The following YAF2 variants were observed in gnomAD, a reference collection of about 807,000 sequenced individuals.
YAF2 encodes the protein YY1 associated factor 2, also known as YY1-associated factor 2.
Under a neutral mutation model 20.1 loss-of-function variants are expected in YAF2, and 7 were observed. The observed-to-expected ratio is 0.35, with a 90% CI of 0.20 to 0.65. The LOEUF (loss-of-function observed/expected upper bound fraction) is 0.65. Ranked by LOEUF, YAF2 falls within the 30% of genes least tolerant of loss-of-function variation. The probability of loss-of-function intolerance (pLI) is 0.69; values close to 1 mark genes in which losing one functional copy is unlikely to be tolerated. For synonymous variants in YAF2, 74 were observed against 76.0 expected (o/e 0.97, Z 0.14); for missense variants, 151 against 219.2 (o/e 0.69, Z 1.96).
chr12:42,178,018 C>A (rs1479866847), intron 2 of YAF2, among the ~76,000 whole-genome samples: 3 of 152,124 alleles, frequency 2.0e-5, no homozygotes, highest in Non-Finnish European at 4.4e-5. Flanking sequence ...CTACCACCCC[C>A]CTAATTGTAA....
rs535048888 is a variant in YAF2 at position 42,159,916 on chromosome 12, C to T, written c.*673G>A. 7.9e-5 allele frequency: 12 copies of T among 152,084 alleles called. No individual in the cohort carries two copies. Among genetic ancestry groups the T allele is most frequent in the African/African-American group, 1.2e-4 (5 of 41,346 alleles). 9.4% of individuals were successfully genotyped at this position (152,084 alleles called of 1,614,324 possible). ...ATCAATGTTTTATTGTTTACTAGTC[C>T]GCTAGTAAACATTACAATAAATGAA... On this transcript the variant is annotated 3_prime_UTR_variant, in exon 4 of 4. Transcript: ENST00000534854.
chr12:42,157,160 GA>G lies in YAF2; in HGVS notation c.*3428del, dbSNP rs1763252826. The G allele has an allele frequency of 6.6e-6, 1 of 152,134 alleles. No individual in the cohort carries two copies. Among genetic ancestry groups the G allele is most frequent in the Non-Finnish European group, 1.5e-5 (1 of 68,056 alleles). 9.4% of individuals were successfully genotyped at this position (152,134 alleles called of 1,614,324 possible). On this transcript the variant is annotated 3_prime_UTR_variant, in exon 4 of 4. Coordinates refer to ENST00000534854, the MANE Select transcript of YAF2 (RefSeq NM_005748.6). ...TGAGTCCAAAGGCTGAGGAGTCCAA[GA>G]TCAGGGAGCCCATCTGATGAGGGCC...
intron 2 of YAF2, among the ~76,000 whole-genome samples, chr12:42,229,502 G>A (rs554023726): frequency 2.3e-4 from 35 of 151,572 alleles, no homozygotes; most frequent in African/African-American, 7.0e-4. Flanking sequence ...TGAATAAGAC[G>A]GTCTCTGCCC....
At chr12:42,215,505 C>T (rs2067327461) in intron 2 of YAF2, among the ~76,000 whole-genome samples, 1 of 152,196 alleles carries the variant, frequency 6.6e-6, no homozygotes, top group African/African-American at 2.4e-5. Flanking sequence ...CTGTGATTTG[C>T]TTGGCTAACC....
At chr12:42,185,022 CA>C (rs1465559057) in intron 2 of YAF2, among the ~76,000 whole-genome samples, 1 of 152,088 alleles carries the variant, frequency 6.6e-6, no homozygotes, top group East Asian at 1.9e-4. Context: ...ACCAAAAATG[CA>C]AAAAATTAGC....
chr12:42,201,583 T>TTGTTGC (rs897361723), intron 2 of YAF2, among the ~76,000 whole-genome samples: 2 of 152,306 alleles, frequency 1.3e-5, no homozygotes, highest in Admixed American at 1.3e-4. Context: ...AATGTCTTTT[T>TTGTTGC]TGTTGCTGTT....
At position 42,161,631 on chromosome 12, in the gene YAF2, T is replaced by C. The variant is rs1456405167; in HGVS notation, c.287A>G (p.Asn96Ser). Residue 96 changes from asparagine (N) to serine (S), a missense_variant, in exon 3 of 4, where the codon AAT (asparagine) becomes AGT (serine). Transcript: ENST00000534854. ...KSEKETTSKK[N>S]SHKKTRPRLK... is the part of the protein sequence containing the mutation. ...CATTTACCTGGTTTTCTTATGGCTA[T>C]TCTTTTTGCTAGTTGTTTCCTTTTC... 1 of 1,592,498 alleles carries C rather than the reference T, an allele frequency of 6.3e-7. No individual in the cohort carries two copies. The highest frequency in any genetic ancestry group is 8.5e-7 in the Non-Finnish European group (1 of 1,172,402).
chr12:42,232,740 T>C, intron 2 of YAF2: 1 of 985,444 alleles, frequency 1.0e-6, no homozygotes, highest in African/African-American at 1.7e-5. Flanking sequence ...ACAACGATGC[T>C]GAAAAGATTT....
chr12:42,234,207 A>C, intron 2 of YAF2: 1 of 249,066 alleles, frequency 4.0e-6, no homozygotes, highest in Non-Finnish European at 4.6e-6. Context: ...AAGAAAAGAA[A>C]AGAAAAGAAA....
chr12:42,187,207 A>G (rs1048519517), intron 2 of YAF2, among the ~76,000 whole-genome samples: 1 of 152,102 alleles, frequency 6.6e-6, no homozygotes, highest in Non-Finnish European at 1.5e-5. Flanking sequence ...CCCAGGCTGG[A>G]GTGCAGTGGC....
At chr12:42,177,176 T>G (rs1025899315) in intron 2 of YAF2, among the ~76,000 whole-genome samples, 2 of 152,202 alleles carry the variant, frequency 1.3e-5, no homozygotes, top group Admixed American at 1.3e-4. Flanking sequence ...ATTGCTCTAG[T>G]CCACAAGTCT....
Position 42,161,726 on chromosome 12 carries a change from A to G in YAF2, c.192T>C (p.Val64=). The part of the protein sequence containing the change: ...RPVSQLVAQQ[V]TQQFVPPTQS... ...GTGTAGGAGGCACAAACTGCTGAGTAACCTGCTGTGCAACCAACTGGGAGA... is the reference window on the plus strand; with the variant it reads ...GTGTAGGAGGCACAAACTGCTGAGTGACCTGCTGTGCAACCAACTGGGAGA... The change falls in exon 3 of 4, where the codon GTT becomes GTC. Residue 64 remains valine, a synonymous_variant. Coordinates refer to ENST00000534854, the MANE Select transcript of YAF2 (RefSeq NM_005748.6). The G allele has an allele frequency of 1.2e-6, 2 of 1,608,770 alleles. No homozygotes were observed. The highest frequency in any genetic ancestry group is 1.7e-6 in the Non-Finnish European group (2 of 1,178,826).
intron 2 of YAF2, chr12:42,235,442 C>T: frequency 8.7e-7 from 1 of 1,155,392 alleles, no homozygotes; most frequent in Non-Finnish European, 1.1e-6. Flanking sequence ...CCCTGTTCCA[C>T]ACTGTTCTAT....
At chr12:42,234,812 C>A (rs750208687) in intron 2 of YAF2, 2 of 767,880 alleles carry the variant, frequency 2.6e-6, no homozygotes, top group Non-Finnish European at 3.2e-6. Flanking sequence ...ACATAGAGAT[C>A]CCCCATCTCT....
At chr12:42,196,206 G>A (rs1190627973) in intron 2 of YAF2, among the ~76,000 whole-genome samples, 2 of 131,382 alleles carry the variant, frequency 1.5e-5, no homozygotes, top group African/African-American at 5.7e-5. Context: ...CAGCCTGGGC[G>A]ACAGAGCAAG....
chr12:42,207,044 C>CCTGA (rs2067064600), intron 2 of YAF2, among the ~76,000 whole-genome samples: 1 of 152,094 alleles, frequency 6.6e-6, no homozygotes, highest in South Asian at 2.1e-4. Flanking sequence ...TGAACCCACT[C>CCTGA]CTGAGCCCAA....
chr12:42,214,453 G>A (rs1309482105), intron 2 of YAF2, among the ~76,000 whole-genome samples: 1 of 151,632 alleles, frequency 6.6e-6, no homozygotes, highest in Non-Finnish European at 1.5e-5. Context: ...TATACTTTTT[G>A]TAGAGATGGG....
At chr12:42,170,675 T>C (rs11181362) in intron 2 of YAF2, among the ~76,000 whole-genome samples, 9,518 of 150,796 alleles carry the variant, frequency 0.063, 489 homozygotes, top group East Asian at 0.15. Context: ...CAAAAAACTA[T>C]ACACACACAC....
Position 42,233,254 on chromosome 12 carries a change from C to T in YAF2, c.152+4345G>A, listed in dbSNP as rs2068036941. ...GAAACCTAAAGGACTGTTATAATATCCTCTAACAAAATGTAACATTACCTG... is the reference window on the plus strand; with the variant it reads ...GAAACCTAAAGGACTGTTATAATATTCTCTAACAAAATGTAACATTACCTG... On this transcript the variant is annotated intron_variant, in intron 2 of 3. Coordinates refer to ENST00000534854, the MANE Select transcript of YAF2 (RefSeq NM_005748.6). The T allele has an allele frequency of 5.1e-6, 5 of 985,184 alleles. No individual in the cohort carries two copies. The South Asian group carries it at 2.3e-4, about 46-fold the overall frequency. The allele number at this position is 985,184 out of a possible 1,614,324, so 61.0% of individuals were successfully genotyped here.
Sources: gnomAD v4.1 joint callset for allele counts (sites outside exome capture counted in the v4.1 genomes callset) on GRCh38, gnomAD v4.1.1 for gene constraint, MANE v1.5 for transcripts, NCBI Gene and HGNC (gene_info 2026-07-23, HGNC 2026-07-21) for gene names.